Variants in FAM169A observed in about 807,000 individuals in gnomAD.
FAM169A encodes the protein soluble lamin-associated protein of 75 kDa.
A neutral mutation model predicts 75.7 loss-of-function variants in FAM169A; 24 were observed. That is an observed-to-expected ratio of 0.32 (90% CI 0.23 to 0.45). The LOEUF (loss-of-function observed/expected upper bound fraction) is 0.45, where lower values mean the gene tolerates loss of function less well. FAM169A is among the 20% of genes least tolerant of loss of function. The pLI is 1.00. For synonymous variants in FAM169A, 271 were observed against 271.0 expected, an observed-to-expected ratio of 1.00 and a Z score of 0.00; for missense variants, 673 against 784.0, an observed-to-expected ratio of 0.86 and a Z score of 1.69.
intron 12 of FAM169A, among the ~76,000 whole-genome samples, chr5:74,782,429 T>A (rs1745459785): frequency 6.6e-6 from 1 of 152,206 alleles, no homozygotes. Context: ...GTTAGGGCAA[T>A]GGAAGTTTTA....
intron 6 of FAM169A, among the ~76,000 whole-genome samples, chr5:74,810,269 C>A (rs550046477): frequency 1.3e-5 from 2 of 152,186 alleles, no homozygotes; most frequent in Admixed American, 1.3e-4. Flanking sequence ...CTAAGTGGTA[C>A]TGACAGAAAG....
chr5:74,821,385 G>C (rs1333194289), intron 5 of FAM169A, among the ~76,000 whole-genome samples: 1 of 152,226 alleles, frequency 6.6e-6, no homozygotes, highest in African/African-American at 2.4e-5. Context: ...TCTTCTCATA[G>C]AATCACCATT....
intron 1 of FAM169A, among the ~76,000 whole-genome samples, chr5:74,845,128 A>G (rs919405335): frequency 6.6e-6 from 1 of 152,234 alleles, no homozygotes; most frequent in African/African-American, 2.4e-5. Context: ...TGTAACAGTT[A>G]ATAACTGAGT....
At chr5:74,839,089 A>C (rs1181006621) in intron 3 of FAM169A, 39 bp from the exon 4 acceptor site, 1 of 1,469,092 alleles carries the variant, frequency 6.8e-7, no homozygotes, top group Non-Finnish European at 9.5e-7. Flanking sequence ...TTGAGTTTTA[A>C]AGTACACTTT....
intron 1 of FAM169A, among the ~76,000 whole-genome samples, chr5:74,855,372 A>AT (rs565533916): frequency 2.5e-4 from 38 of 152,106 alleles, no homozygotes; most frequent in African/African-American, 7.9e-4. Context: ...ATTTTTTGGT[A>AT]TTTTTTGTAG....
At chr5:74,833,957 A>C (rs1160563789) in intron 5 of FAM169A, among the ~76,000 whole-genome samples, 2 of 152,210 alleles carry the variant, frequency 1.3e-5, no homozygotes, top group African/African-American at 4.8e-5. Flanking sequence ...AAATATATTA[A>C]AGCATTTTGT....
intron 1 of FAM169A, among the ~76,000 whole-genome samples, chr5:74,860,636 G>A (rs1749983198): frequency 6.6e-6 from 1 of 152,050 alleles, no homozygotes; most frequent in Admixed American, 6.6e-5. Context: ...GGAGCTACCA[G>A]TGTATATATT....
chr5:74,850,784 A>C (rs1749402447), intron 1 of FAM169A, among the ~76,000 whole-genome samples: 1 of 152,264 alleles, frequency 6.6e-6, no homozygotes, highest in Non-Finnish European at 1.5e-5. Context: ...ATACAGATGA[A>C]TAATGCAGTG....
intron 11 of FAM169A, among the ~76,000 whole-genome samples, chr5:74,786,537 G>A (rs78481826): frequency 0.025 from 3,819 of 152,282 alleles, 72 homozygotes; most frequent in Non-Finnish European, 0.041. Context: ...TCGTGAGAGG[G>A]AAGAAGTTTG....
intron 1 of FAM169A, among the ~76,000 whole-genome samples, chr5:74,861,439 C>T (rs958688004): frequency 3.9e-5 from 6 of 152,128 alleles, no homozygotes; most frequent in South Asian, 2.1e-4. Flanking sequence ...AACTAAATAA[C>T]GTATATCCAA....
intron 10 of FAM169A, chr5:74,798,905 C>G: frequency 4.6e-6 from 3 of 649,342 alleles, no homozygotes; most frequent in Non-Finnish European, 8.4e-6. Context: ...CTGTTCACAT[C>G]GACTGCCCAG....
rs867037018 is a variant in FAM169A, at chr5:74,805,230, A to G, written c.725T>C (p.Val242Ala). 57 of 1,613,380 alleles carry G rather than the reference A, an allele frequency of 3.5e-5. No individual in the cohort carries two copies. The highest frequency in any genetic ancestry group is 6.7e-5 in the East Asian group (3 of 44,866). Reference sequence around the variant, plus strand: ...CTGGTACCAGTGTCCAACACCTTCAACTTCCCAAAGGAGTTCATGGTCTCC... The same window carrying G: ...CTGGTACCAGTGTCCAACACCTTCAGCTTCCCAAAGGAGTTCATGGTCTCC... ...YPGDHELLWE[V>A]EGVGHWYQRI... is the part of the protein sequence containing the mutation. Residue 242 changes from valine to alanine, a missense_variant, in exon 7 of 13, where the codon GTT (valine) becomes GCT (alanine). Physicochemically the swap from Val to Ala is moderately conservative, Grantham distance 64. This residue lies in a region of FAM169A where 510 missense variants were observed against 550.9 expected (regional missense o/e 0.93). Transcript: ENST00000687041.
intron 11 of FAM169A, among the ~76,000 whole-genome samples, chr5:74,795,194 G>A (rs749448583): frequency 2.0e-5 from 3 of 151,428 alleles, no homozygotes; most frequent in Admixed American, 6.6e-5. Context: ...GGAAGCAGAG[G>A]TTGCAGTGAG....
chr5:74,790,247 TG>T (rs1745904078), intron 11 of FAM169A, among the ~76,000 whole-genome samples: 1 of 152,194 alleles, frequency 6.6e-6, no homozygotes, highest in Non-Finnish European at 1.5e-5. Context: ...CTGCATGATA[TG>T]CAGGCACCAC....
At chr5:74,792,058 T>C (rs916734171) in intron 11 of FAM169A, among the ~76,000 whole-genome samples, 1 of 152,250 alleles carries the variant, frequency 6.6e-6, no homozygotes, top group Non-Finnish European at 1.5e-5. Flanking sequence ...TTATGTAATA[T>C]TATTTGGGTT....
At chr5:74,866,934 G>T (rs1750379166), upstream of FAM169A, 3 of 985,398 alleles carry the variant, frequency 3.0e-6, no homozygotes, top group South Asian at 4.7e-5. Flanking sequence ...TTAGGTGCAT[G>T]CAAGTTAGAA....
chr5:74,784,980 A>G (rs2112464517), intron 11 of FAM169A, among the ~76,000 whole-genome samples: 1 of 151,590 alleles, frequency 6.6e-6, no homozygotes, highest in African/African-American at 2.4e-5. Flanking sequence ...TGTCTTATTG[A>G]TGAAACAGGT....
chr5:74,837,900 T>C (rs1243402248), intron 4 of FAM169A, among the ~76,000 whole-genome samples: 1 of 151,960 alleles, frequency 6.6e-6, no homozygotes, highest in Non-Finnish European at 1.5e-5. Context: ...GGTGGATCAC[T>C]TGAAGTCGGG....
At chr5:74,852,723 G>C (rs1357557992) in intron 1 of FAM169A, among the ~76,000 whole-genome samples, 1 of 151,732 alleles carries the variant, frequency 6.6e-6, no homozygotes, top group Non-Finnish European at 1.5e-5. Flanking sequence ...GGAAGTACTA[G>C]GAAAATAAAT....
Sources: gnomAD v4.1 joint callset for allele counts (sites outside exome capture counted in the v4.1 genomes callset) on GRCh38, gnomAD v4.1.1 for gene constraint, gnomAD v4.1.1 regional missense constraint, MANE v1.5 for transcripts, NCBI Gene and HGNC (gene_info 2026-07-23, HGNC 2026-07-21) for gene names.